CTNNA2: variants seen among roughly 807,000 people sequenced by gnomAD.
CTNNA2 encodes the protein catenin alpha-2.
In CTNNA2, 42 loss-of-function variants were observed where a neutral mutation model predicts 101.0. That is an observed-to-expected ratio of 0.42 (90% CI 0.32 to 0.54). The LOEUF (loss-of-function observed/expected upper bound fraction) is 0.54, where lower values mean the gene tolerates loss of function less well. CTNNA2 is among the 20% of genes least tolerant of loss of function. The pLI, the probability that CTNNA2 is intolerant of heterozygous loss-of-function variation, is 0.14. For synonymous variants in CTNNA2, 450 were observed against 456.4 expected (o/e 0.99, Z 0.18); for missense variants, 871 against 1,223.1 (o/e 0.71, Z 4.29).
intron 9 of CTNNA2, among the ~76,000 whole-genome samples, chr2:80,498,107 TA>T (rs1000980399): frequency 5.9e-5 from 9 of 152,202 alleles, no homozygotes; most frequent in African/African-American, 2.2e-4. Context: ...TCAAGTCTCT[TA>T]GTTAATAAAC....
intron 1 of CTNNA2, chr2:79,514,630 T>C (rs1282697001): frequency 2.0e-5 from 3 of 152,214 alleles, no homozygotes; most frequent in African/African-American, 7.2e-5. Flanking sequence ...TATTTTTACA[T>C]GGCGGGACAG....
In CTNNA2 at chr2:80,054,216, C is replaced by A. The variant is rs189161824; in HGVS notation, c.1056+144419C>A. ...ATGTCCTAAGTGGTTGGGCGTTAAG[C>A]TTTAAGCCTCTAGGGAGCCATTTAC... On this transcript the variant is annotated intron_variant, in intron 7 of 18. Transcript: ENST00000402739. Among the ~76,000 whole-genome samples, 166 of 152,284 alleles carry A rather than the reference C, an allele frequency of 1.1e-3. 2 individuals carry two copies. In the Middle Eastern group the frequency reaches 0.031, roughly 28 times the overall value.
At position 80,435,137 on chromosome 2, in the gene CTNNA2, T is replaced by A. The variant is rs138224698; in HGVS notation, c.1290+15536T>A. 2.7e-4 allele frequency among the ~76,000 whole-genome samples: 41 copies of A among 152,304 alleles called. No homozygotes were observed. In the East Asian group the frequency reaches 6.6e-3, roughly 24 times the overall value. Reference sequence around the variant, plus strand: ...TCCCTCTAATTGCAACAACCAAAAATGATCCAGATATTTCCTGGGGGACAA... The same window carrying A: ...TCCCTCTAATTGCAACAACCAAAAAAGATCCAGATATTTCCTGGGGGACAA... On this transcript the variant is annotated intron_variant, in intron 9 of 18. Transcript: ENST00000402739.
intron 2 of CTNNA2, among the ~76,000 whole-genome samples, chr2:79,716,246 A>G (rs1301516976): frequency 6.6e-6 from 1 of 152,120 alleles, no homozygotes; most frequent in Non-Finnish European, 1.5e-5. Flanking sequence ...TTTTAATTTT[A>G]TTTTATGTCA....
intron 7 of CTNNA2, among the ~76,000 whole-genome samples, chr2:80,018,710 G>A (rs1694330713): frequency 2.7e-5 from 4 of 150,526 alleles, no homozygotes; most frequent in Non-Finnish European, 5.9e-5. Flanking sequence ...GAACCCGGGA[G>A]ACAGAGGTTG....
chr2:79,486,121 C>T (rs182055264), intron 4 of CTNNA2, among the ~76,000 whole-genome samples: 15 of 152,056 alleles, frequency 9.9e-5, no homozygotes, highest in African/African-American at 2.9e-4. Context: ...ATGTGCACAA[C>T]GTGCAGGTTT....
chr2:80,021,968 A>G (rs1694595160), intron 7 of CTNNA2, among the ~76,000 whole-genome samples: 1 of 152,250 alleles, frequency 6.6e-6, no homozygotes, highest in African/African-American at 2.4e-5. Flanking sequence ...AATAGTGAAC[A>G]AAATATTCCC....
chr2:80,132,838 T>C (rs1702488407), intron 7 of CTNNA2, among the ~76,000 whole-genome samples: 1 of 152,192 alleles, frequency 6.6e-6, no homozygotes, highest in Non-Finnish European at 1.5e-5. Flanking sequence ...TGATTTTGTA[T>C]TCCAATGTAT....
intron 7 of CTNNA2, among the ~76,000 whole-genome samples, chr2:80,294,879 A>G (rs914888630): frequency 2.0e-5 from 3 of 152,184 alleles, no homozygotes; most frequent in African/African-American, 7.2e-5. Context: ...ACAACATTAC[A>G]TTGAGAACAG....
At chr2:80,005,848 G>C (rs764169822) in intron 7 of CTNNA2, among the ~76,000 whole-genome samples, 1 of 151,468 alleles carries the variant, frequency 6.6e-6, no homozygotes, top group Non-Finnish European at 1.5e-5. Context: ...TAATTCAGGT[G>C]GTGGAACATC....
At chr2:80,605,607 C>T (rs1428668839) in intron 16 of CTNNA2, 1 of 151,876 alleles carries the variant, frequency 6.6e-6, no homozygotes, top group Non-Finnish European at 1.5e-5. Flanking sequence ...CTTACTGCCT[C>T]AGCATCCCAG....
chr2:79,803,500 G>T (rs1284369897), intron 3 of CTNNA2, among the ~76,000 whole-genome samples: 1 of 152,268 alleles, frequency 6.6e-6, no homozygotes, highest in Non-Finnish European at 1.5e-5. Context: ...GTTAACTGCA[G>T]CAGGGACACG....
intron 7 of CTNNA2, among the ~76,000 whole-genome samples, chr2:79,940,842 C>T (rs764301999): frequency 3.3e-5 from 5 of 152,050 alleles, no homozygotes; most frequent in African/African-American, 4.8e-5. Flanking sequence ...TATTGAATAT[C>T]GCATGAAAAG....
rs150891414 is a variant in CTNNA2 at position 79,301,628 on chromosome 2, C to A, written c.-405-11081C>A. On this transcript the variant is annotated intron_variant, in intron 2 of 21. Transcript: ENST00000466387. The stretch of plus-strand genomic sequence containing the variant: ...TCTCTGTTCATCACCTGGCATATAC[C>A]ATATTGCCCCACTACCCACCTCTCA... Among the ~76,000 whole-genome samples, 4 of 152,228 alleles carry A rather than the reference C, an allele frequency of 2.6e-5. No homozygotes were observed. In the East Asian group the frequency reaches 7.8e-4, roughly 30 times the overall value.
At position 80,504,843 on chromosome 2, in the gene CTNNA2, C is replaced by T. The variant is rs1559164254; in HGVS notation, c.1291-40139C>T. On this transcript the variant is annotated intron_variant, in intron 9 of 18. Transcript: ENST00000402739. Reference sequence around the variant, plus strand: ...GGCCTGTGGCTCACCTTTCAAGAACCACCTGCACTCTGTTAGTTGTATTGG... The same window carrying T: ...GGCCTGTGGCTCACCTTTCAAGAACTACCTGCACTCTGTTAGTTGTATTGG... 2.6e-5 allele frequency among the ~76,000 whole-genome samples: 4 copies of T among 152,202 alleles called. No homozygotes were observed. In the South Asian group the frequency reaches 8.3e-4, roughly 31 times the overall value.
intron 2 of CTNNA2, among the ~76,000 whole-genome samples, chr2:79,688,267 G>A (rs1684067463): frequency 1.3e-5 from 2 of 151,966 alleles, no homozygotes; most frequent in South Asian, 4.1e-4. Flanking sequence ...ATAAACGAGT[G>A]CCAGTAGAAC....
chr2:80,514,200 G>A (rs749501729), intron 9 of CTNNA2, among the ~76,000 whole-genome samples: 8 of 152,198 alleles, frequency 5.3e-5, no homozygotes, highest in Middle Eastern at 3.4e-3. Context: ...TTGGCCAGCC[G>A]TGCTCAACCT....
chr2:80,258,141 T>TA (rs1672318856), intron 7 of CTNNA2, among the ~76,000 whole-genome samples: 1 of 152,216 alleles, frequency 6.6e-6, no homozygotes, highest in South Asian at 2.1e-4. Context: ...ATGGGCTAGC[T>TA]AAAAGGATAA....
chr2:79,682,191 G>A (rs1289995993), intron 2 of CTNNA2, among the ~76,000 whole-genome samples: 1 of 151,790 alleles, frequency 6.6e-6, no homozygotes, highest in East Asian at 1.9e-4. Flanking sequence ...GGCGGATCAC[G>A]AGGTCAGGAG....
Sources: allele counts gnomAD v4.1 joint callset (sites outside exome capture counted in the v4.1 genomes callset), GRCh38; gene constraint gnomAD v4.1.1; transcripts MANE v1.5; gene names NCBI Gene and HGNC (gene_info 2026-07-23, HGNC 2026-07-21).